HHIPL1: variants seen among roughly 807,000 people sequenced by gnomAD.
HHIPL1 encodes HHIP-like protein 1.
A neutral mutation model predicts 61.8 loss-of-function variants in HHIPL1; 43 were observed. The ratio of observed to expected loss-of-function variants is 0.70; its 90% CI spans 0.55 to 0.90. The LOEUF (loss-of-function observed/expected upper bound fraction) is 0.90. HHIPL1 is among the 40% of genes least tolerant of loss of function. The probability of loss-of-function intolerance (pLI) is 0.00; values close to 1 mark genes in which losing one functional copy is unlikely to be tolerated. For synonymous variants in HHIPL1, 482 were observed against 515.8 expected (o/e 0.93, Z 0.89); for missense variants, 1,056 against 1,157.7 (o/e 0.91, Z 1.28).
chr14:99,632,099 G>A, the HHIPL1 span, among the ~76,000 whole-genome samples: 1 of 152,196 alleles, frequency 6.6e-6, no homozygotes, highest in Non-Finnish European at 1.5e-5. Context: ...CCTGACCTAT[G>A]TTTTAGGTCT....
At position 99,675,827 on chromosome 14, in the gene HHIPL1, T is replaced by G. The variant is rs1595174204; in HGVS notation, c.*201T>G. 2.1e-6 allele frequency: 1 copy of G among 484,286 alleles called. No homozygotes were observed. Among genetic ancestry groups the G allele is most frequent in the Non-Finnish European group, 3.5e-6 (1 of 284,494 alleles). 30.0% of individuals were successfully genotyped at this position (484,286 alleles called of 1,614,324 possible). ...AGGCAGGAGTGTGTGTTGGGGGCGGTGTGGGCTCTGGAAGTGCATGGTCCA... is the reference window on the plus strand; with the variant it reads ...AGGCAGGAGTGTGTGTTGGGGGCGGGGTGGGCTCTGGAAGTGCATGGTCCA... On this transcript the variant is annotated 3_prime_UTR_variant, in exon 9 of 9. Coordinates refer to ENST00000330710, the MANE Select transcript of HHIPL1 (RefSeq NM_001127258.3). The surrounding 1 kb of genome is among the most constrained non-coding windows in gnomAD (Gnocchi z 5.4).
chr14:99,626,950 C>T, the HHIPL1 span, among the ~76,000 whole-genome samples: 1 of 152,196 alleles, frequency 6.6e-6, no homozygotes, highest in African/African-American at 2.4e-5. Flanking sequence ...AGTAATATGT[C>T]ACTGAATGGC....
chr14:99,656,828 A>AAGG (rs1566809815), intron 2 of HHIPL1, among the ~76,000 whole-genome samples, 172 bp from the exon 3 acceptor site: 8 of 12,286 alleles, frequency 6.5e-4, no homozygotes, highest in African/African-American at 9.2e-4. Flanking sequence ...AGAAAGAAAG[A>AAGG]AAGAAAGAAA....
the HHIPL1 span, among the ~76,000 whole-genome samples, chr14:99,637,088 GAAAGAAGGAAGGAAAAA>G: frequency 9.6e-6 from 1 of 104,240 alleles, no homozygotes; most frequent in African/African-American, 3.8e-5. Context: ...GAGAAAGAAA[GAAAGAAGGAAGGAAAAA>G]AGAAAGAAAG....
chr14:99,660,129 GCCAGCC>G lies in HHIPL1; in HGVS notation c.1376-149_1376-144del. On this transcript the variant is annotated intron_variant, in intron 4 of 8. Transcript: ENST00000330710. This position sits in a 1 kb window ranked among gnomAD's most constrained non-coding sequence, Gnocchi z 4.9. ...CCCCTGCAGACACGCTTTCCACCAC[GCCAGCC>G]CTGCTGTGGGCACGCCAGCCCTGCT... The G allele has an allele frequency of 1.5e-6, 1 of 671,334 alleles. No homozygotes were observed. 41.6% of individuals were successfully genotyped at this position (671,334 alleles called of 1,614,324 possible). A position where few individuals can be genotyped will look rare whatever the true frequency, so the allele number is the denominator to read the frequency against.
At position 99,659,628 on chromosome 14, in the gene HHIPL1, T is replaced by C; in HGVS notation, c.1247T>C (p.Phe416Ser). 6.4e-7 allele frequency: 1 copy of C among 1,551,944 alleles called. No homozygotes were observed. The highest frequency in any genetic ancestry group is 8.7e-7 in the Non-Finnish European group (1 of 1,153,448). ...TCGGGCACTGGCCGCGGGCGCCTCT[T>C]CTGCGGCGACGTGGGCCAGAACAAG... ...PSSGTGRGRL[F>S]CGDVGQNKFE... Residue 416 changes from phenylalanine to serine, a missense_variant, in exon 4 of 9, where the codon TTC becomes TCC. Phe to Ser is a radical substitution (Grantham distance 155). Transcript: ENST00000330710.
At chr14:99,606,693 A>G in the HHIPL1 span, among the ~76,000 whole-genome samples, 1 of 152,208 alleles carries the variant, frequency 6.6e-6, no homozygotes, top group Non-Finnish European at 1.5e-5. Flanking sequence ...CCAAGGACCA[A>G]GAGTTCCTCT....
At chr14:99,649,408 A>C (rs1369881883) in intron 1 of HHIPL1, among the ~76,000 whole-genome samples, 1 of 152,236 alleles carries the variant, frequency 6.6e-6, no homozygotes, top group East Asian at 1.9e-4. Flanking sequence ...AAAGAACACC[A>C]GTCCAGGCAT....
intron 1 of HHIPL1, among the ~76,000 whole-genome samples, chr14:99,646,786 T>G: frequency 1.0e-5 from 1 of 96,086 alleles, no homozygotes; most frequent in Admixed American, 1.4e-4. Flanking sequence ...AAATATAATA[T>G]AATATAATAT....
chr14:99,631,483 C>G, the HHIPL1 span, among the ~76,000 whole-genome samples: 1 of 152,098 alleles, frequency 6.6e-6, no homozygotes, highest in East Asian at 1.9e-4. Context: ...AGTCCTGGCC[C>G]CAACACCACT....
At chr14:99,647,175 G>A (rs1046924651) in intron 1 of HHIPL1, among the ~76,000 whole-genome samples, 6 of 152,296 alleles carry the variant, frequency 3.9e-5, no homozygotes, top group South Asian at 4.1e-4. Context: ...TAGACTCTGG[G>A]AGGATGAGGA....
At chr14:99,608,880 A>T in the HHIPL1 span, among the ~76,000 whole-genome samples, 1 of 152,220 alleles carries the variant, frequency 6.6e-6, no homozygotes, top group Non-Finnish European at 1.5e-5. Flanking sequence ...CTGAACCAGG[A>T]TTTGAACCCA....
chr14:99,644,366 T>C (rs939146627), upstream of HHIPL1, among the ~76,000 whole-genome samples: 1 of 147,602 alleles, frequency 6.8e-6, no homozygotes, highest in African/African-American at 2.5e-5. Context: ...GATTCTAGGG[T>C]AGGTGAGACA....
upstream of HHIPL1, among the ~76,000 whole-genome samples, chr14:99,644,588 G>T (rs1031892772): frequency 1.3e-5 from 2 of 152,122 alleles, no homozygotes; most frequent in Non-Finnish European, 2.9e-5. Flanking sequence ...GGGAGCCCCA[G>T]TGGGTCCTGG....
At chr14:99,618,542 C>T in the HHIPL1 span, among the ~76,000 whole-genome samples, 2 of 152,230 alleles carry the variant, frequency 1.3e-5, no homozygotes, top group Non-Finnish European at 2.9e-5. Flanking sequence ...AGCCTGATGT[C>T]CCTAAAGTCT....
intron 6 of HHIPL1, among the ~76,000 whole-genome samples, chr14:99,666,323 G>A (rs2140087008): frequency 6.6e-6 from 1 of 152,292 alleles, no homozygotes; most frequent in Admixed American, 6.5e-5. Flanking sequence ...CTTCATTTTG[G>A]AGCATTGTTT....
chr14:99,661,250 C>G (rs2056146381), intron 5 of HHIPL1, among the ~76,000 whole-genome samples: 1 of 152,154 alleles, frequency 6.6e-6, no homozygotes, highest in South Asian at 2.1e-4. Context: ...GACCTTGAGC[C>G]AGTTACTTCA....
the HHIPL1 span, among the ~76,000 whole-genome samples, chr14:99,608,082 T>C: frequency 6.6e-6 from 1 of 151,592 alleles, no homozygotes; most frequent in African/African-American, 2.4e-5. Context: ...AGGCTCCAGG[T>C]GGAGGAAGCA....
chr14:99,659,349 C>A, intron 3 of HHIPL1, 79 bp from the exon 4 acceptor site: 1 of 1,208,954 alleles, frequency 8.3e-7, no homozygotes, highest in Non-Finnish European at 1.1e-6. Context: ...CAGCCGGCGC[C>A]CCAGCACCTG....
Sources: allele counts gnomAD v4.1 joint callset (sites outside exome capture counted in the v4.1 genomes callset), GRCh38; gene constraint gnomAD v4.1.1; non-coding constraint Gnocchi (gnomAD v3.1); transcripts MANE v1.5; gene names NCBI Gene and HGNC (gene_info 2026-07-23, HGNC 2026-07-21).